Variants in PRKCA observed in about 807,000 individuals in gnomAD.
The protein encoded by PRKCA is protein kinase C alpha, also known as protein kinase C alpha type.
Under a neutral mutation model 87.0 loss-of-function variants are expected in PRKCA, and 27 were observed. That is an observed-to-expected ratio of 0.31 (90% CI 0.23 to 0.43). The LOEUF (loss-of-function observed/expected upper bound fraction) is 0.43, where lower values mean the gene tolerates loss of function less well. Ranked by LOEUF, PRKCA falls within the 20% of genes least tolerant of loss-of-function variation. The probability of loss-of-function intolerance (pLI) is 1.00; values close to 1 mark genes in which losing one functional copy is unlikely to be tolerated. For synonymous variants in PRKCA, 329 were observed against 311.1 expected, an observed-to-expected ratio of 1.06 and a Z score of -0.61; for missense variants, 518 against 852.3, an observed-to-expected ratio of 0.61 and a Z score of 4.88.
At chr17:66,383,657 A>G (rs944463417) in intron 2 of PRKCA, among the ~76,000 whole-genome samples, 1 of 152,222 alleles carries the variant, frequency 6.6e-6, no homozygotes, top group Non-Finnish European at 1.5e-5. Flanking sequence ...TTAAAAGAGC[A>G]AGATCCACTC....
chr17:66,746,194 C>T (rs1568010017), intron 13 of PRKCA, among the ~76,000 whole-genome samples: 1 of 124,220 alleles, frequency 8.1e-6, no homozygotes, highest in East Asian at 2.7e-4. Context: ...GACAGAGCCT[C>T]ACTCTGTTGC....
At chr17:66,591,269 C>T (rs1969795350) in intron 3 of PRKCA, among the ~76,000 whole-genome samples, 1 of 152,128 alleles carries the variant, frequency 6.6e-6, no homozygotes, top group South Asian at 2.1e-4. Context: ...TGTCCTTCCT[C>T]AGCCCCACAA....
chr17:66,390,717 G>A (rs541237644), intron 2 of PRKCA, among the ~76,000 whole-genome samples: 27 of 152,322 alleles, frequency 1.8e-4, no homozygotes, highest in African/African-American at 6.3e-4. Context: ...GCTTCATGGG[G>A]ACTTCATGGG....
At chr17:66,596,635 T>C (rs1471620061) in intron 3 of PRKCA, among the ~76,000 whole-genome samples, 1 of 122,556 alleles carries the variant, frequency 8.2e-6, no homozygotes. Context: ...ATTGTGCAGG[T>C]TAGTTACATA....
intron 2 of PRKCA, among the ~76,000 whole-genome samples, chr17:66,362,286 C>G (rs1457057817): frequency 6.6e-6 from 1 of 152,186 alleles, no homozygotes; most frequent in Non-Finnish European, 1.5e-5. Context: ...ATCCACCCAC[C>G]TTGGCCTCTC....
chr17:66,761,231 G>A (rs1344596428), intron 13 of PRKCA, among the ~76,000 whole-genome samples: 1 of 151,640 alleles, frequency 6.6e-6, no homozygotes, highest in African/African-American at 2.4e-5. Flanking sequence ...TTAGCCGGGT[G>A]TGGTGGCGTG....
intron 2 of PRKCA, among the ~76,000 whole-genome samples, chr17:66,370,563 T>G: frequency 6.9e-6 from 1 of 145,006 alleles, no homozygotes; most frequent in South Asian, 2.2e-4. Context: ...TTTTTTTTTT[T>G]TTTTTTGAGA....
chr17:66,614,560 C>A (rs1970464621), intron 3 of PRKCA, among the ~76,000 whole-genome samples: 1 of 152,188 alleles, frequency 6.6e-6, no homozygotes, highest in Non-Finnish European at 1.5e-5. Context: ...ATAAATAACT[C>A]TTCCTCAGCC....
At chr17:66,764,624 A>C (rs1974757439) in intron 13 of PRKCA, among the ~76,000 whole-genome samples, 1 of 152,254 alleles carries the variant, frequency 6.6e-6, no homozygotes, top group African/African-American at 2.4e-5. Flanking sequence ...TAGCAGTAAA[A>C]TTGAATGACA....
rs151183060 is a variant in PRKCA, at chr17:66,769,207, A to G, written c.1525-4780A>G. On this transcript the variant is annotated intron_variant, in intron 13 of 16. Coordinates refer to ENST00000413366, the MANE Select transcript of PRKCA (RefSeq NM_002737.3). ...CCTGTCTCTAAAAAAATTGTTAAAA[A>G]ATTATCTGGGTGTGGTGGTGCATGC... Among the ~76,000 whole-genome samples, 619 of 152,178 alleles carry G rather than the reference A, an allele frequency of 4.1e-3. 7 individuals carry two copies. Among genetic ancestry groups the G allele is most frequent in the African/African-American group, 0.014 (589 of 41,532 alleles).
At chr17:66,377,513 A>G (rs1200528644) in intron 2 of PRKCA, among the ~76,000 whole-genome samples, 4 of 148,188 alleles carry the variant, frequency 2.7e-5, no homozygotes, top group Non-Finnish European at 4.5e-5. Flanking sequence ...GTATATACGT[A>G]TATATGTATA....
At chr17:66,800,559 C>G (rs1975877947) in intron 16 of PRKCA, among the ~76,000 whole-genome samples, 1 of 152,200 alleles carries the variant, frequency 6.6e-6, no homozygotes, top group Admixed American at 6.5e-5. Context: ...TTTCTGTGGT[C>G]CCCTTTTTAG....
chr17:66,331,529 C>T (rs1293260616), intron 2 of PRKCA, among the ~76,000 whole-genome samples: 3 of 152,100 alleles, frequency 2.0e-5, no homozygotes, highest in African/African-American at 4.8e-5. Context: ...CATTGTGAGT[C>T]GGTACCGGGA....
chr17:66,614,020 G>C (rs939270459), intron 3 of PRKCA, among the ~76,000 whole-genome samples: 2 of 151,978 alleles, frequency 1.3e-5, no homozygotes, highest in Non-Finnish European at 2.9e-5. Flanking sequence ...TGAACTCCTG[G>C]CTTCAAGTGA....
Position 66,808,637 on chromosome 17 carries a change from C to G in PRKCA, c.*4600C>G, listed in dbSNP as rs1033046777. 1 of 152,194 alleles carries G rather than the reference C, an allele frequency of 6.6e-6. No homozygotes were observed. The highest frequency in any genetic ancestry group is 1.9e-4 in the East Asian group (1 of 5,196). 9.4% of individuals were successfully genotyped at this position (152,194 alleles called of 1,614,324 possible). On this transcript the variant is annotated 3_prime_UTR_variant, in exon 17 of 17. Coordinates refer to ENST00000413366, the MANE Select transcript of PRKCA (RefSeq NM_002737.3). ...GGACAGCAGTAGGCATGACAGTCAC[C>G]AGGAAGGACAAGGGTGCTCTGTTGT...
At chr17:66,319,572 G>GA (rs1012885406) in intron 2 of PRKCA, among the ~76,000 whole-genome samples, 2 of 151,274 alleles carry the variant, frequency 1.3e-5, no homozygotes, top group Admixed American at 6.6e-5. Context: ...TTCTTAGCAT[G>GA]AAAAAAAAAT....
chr17:66,554,889 T>A (rs905656249), intron 3 of PRKCA, among the ~76,000 whole-genome samples: 6 of 151,794 alleles, frequency 4.0e-5, no homozygotes, highest in Non-Finnish European at 4.4e-5. Context: ...TCTTTTTTTT[T>A]TTTTTTTAAA....
chr17:66,548,167 G>A (rs1968204876), intron 3 of PRKCA, among the ~76,000 whole-genome samples: 1 of 152,140 alleles, frequency 6.6e-6, no homozygotes, highest in African/African-American at 2.4e-5. Context: ...GACAGTGGAA[G>A]AACATTATAA....
intron 5 of PRKCA, among the ~76,000 whole-genome samples, chr17:66,649,742 G>A (rs76909364): frequency 0.013 from 1,985 of 152,248 alleles, 51 homozygotes; most frequent in African/African-American, 0.045. Flanking sequence ...CCAAACATGG[G>A]ACTTAAAACC....
Sources: gnomAD v4.1 joint callset for allele counts (sites outside exome capture counted in the v4.1 genomes callset) on GRCh38, gnomAD v4.1.1 for gene constraint, MANE v1.5 for transcripts, NCBI Gene and HGNC (gene_info 2026-07-23, HGNC 2026-07-21) for gene names.